Variants in SPACA7 observed in about 807,000 individuals in gnomAD.
SPACA7 encodes the protein sperm acrosome associated 7.
In SPACA7, 19 loss-of-function variants were observed where a neutral mutation model predicts 26.3. That is an observed-to-expected ratio of 0.72 (90% confidence interval 0.50 to 1.06). The LOEUF (loss-of-function observed/expected upper bound fraction) is 1.06, where lower values mean the gene tolerates loss of function less well. Ranked by LOEUF, SPACA7 falls within the 50% of genes least tolerant of loss-of-function variation. The pLI, the probability that SPACA7 is intolerant of heterozygous loss-of-function variation, is 0.00. For missense variants in SPACA7, 211 were observed against 229.9 expected, an observed-to-expected ratio of 0.92 and a Z score of 0.53; for synonymous variants, 84 against 84.5, an observed-to-expected ratio of 0.99 and a Z score of 0.04.
At chr13:112,409,743 T>C (rs903948685) in intron 5 of SPACA7, among the ~76,000 whole-genome samples, 1 of 152,100 alleles carries the variant, frequency 6.6e-6, no homozygotes, top group African/African-American at 2.4e-5. Context: ...TGTGGAGAAA[T>C]AGGAACACTT....
chr13:112,403,638 T>C (rs1474289857), intron 5 of SPACA7, among the ~76,000 whole-genome samples: 1 of 152,204 alleles, frequency 6.6e-6, no homozygotes, highest in Admixed American at 6.5e-5. Context: ...TCCATCCTCA[T>C]AGCTTAGCTC....
chr13:112,407,897 G>C (rs1237432805), intron 5 of SPACA7, among the ~76,000 whole-genome samples: 1 of 151,958 alleles, frequency 6.6e-6, no homozygotes, highest in Non-Finnish European at 1.5e-5. Flanking sequence ...GATACCAAAG[G>C]CTGACAGAGA....
chr13:112,413,258 C>A (rs1886466767), intron 5 of SPACA7, among the ~76,000 whole-genome samples: 1 of 152,114 alleles, frequency 6.6e-6, no homozygotes, highest in South Asian at 2.1e-4. Context: ...TCTTGTAAGA[C>A]AGGTCTGGTG....
intron 5 of SPACA7, among the ~76,000 whole-genome samples, chr13:112,415,089 G>C (rs1163536222): frequency 6.6e-6 from 1 of 152,226 alleles, no homozygotes; most frequent in Non-Finnish European, 1.5e-5. Context: ...TAGATACCCA[G>C]CTCTGATGCA....
intron 5 of SPACA7, among the ~76,000 whole-genome samples, chr13:112,418,851 T>A (rs1388804887): frequency 6.6e-6 from 1 of 151,940 alleles, no homozygotes; most frequent in Non-Finnish European, 1.5e-5. Flanking sequence ...CCACTTAGAA[T>A]GCTGTAAAAA....
intron 5 of SPACA7, among the ~76,000 whole-genome samples, chr13:112,413,533 A>C (rs777678944): frequency 3.9e-5 from 6 of 151,992 alleles, no homozygotes; most frequent in Non-Finnish European, 8.8e-5. Context: ...TTTACATTTG[A>C]GAGCTTGATT....
At chr13:112,429,318 G>T (rs1448355013) in intron 5 of SPACA7, among the ~76,000 whole-genome samples, 1 of 151,736 alleles carries the variant, frequency 6.6e-6, no homozygotes, top group Non-Finnish European at 1.5e-5. Context: ...CATGACTGCA[G>T]TGAGCCAAGA....
intron 5 of SPACA7, among the ~76,000 whole-genome samples, chr13:112,412,313 A>G (rs866703741): frequency 4.2e-5 from 6 of 141,868 alleles, no homozygotes; most frequent in Middle Eastern, 3.9e-3. Context: ...TTGTTTTGCT[A>G]CAGAGTTGTT....
At chr13:112,401,287 T>A (rs935425072) in intron 5 of SPACA7, 123 bp downstream of exon 5, 13 of 688,074 alleles carry the variant, frequency 1.9e-5, no homozygotes, top group Middle Eastern at 3.8e-4. Context: ...TCCACCAACA[T>A]CATGGTGAGA....
intron 5 of SPACA7, among the ~76,000 whole-genome samples, chr13:112,401,976 AT>A (rs1885674057): frequency 1.3e-5 from 2 of 152,178 alleles, no homozygotes; most frequent in Non-Finnish European, 2.9e-5. Flanking sequence ...TTCAGAGTGT[AT>A]TTTAACCTCT....
intron 1 of SPACA7, chr13:112,382,376 G>A: frequency 6.6e-7 from 1 of 1,523,612 alleles, no homozygotes. Context: ...GGGACTACAG[G>A]CATGAGCCAC....
At chr13:112,379,332 G>A (rs561899363) in intron 1 of SPACA7, among the ~76,000 whole-genome samples, 1 of 152,294 alleles carries the variant, frequency 6.6e-6, no homozygotes, top group East Asian at 1.9e-4. Flanking sequence ...TTGGACTGTA[G>A]CTGATTGCAA....
intron 5 of SPACA7, among the ~76,000 whole-genome samples, chr13:112,410,553 T>C (rs933454559): frequency 4.6e-5 from 7 of 152,238 alleles, no homozygotes; most frequent in African/African-American, 1.4e-4. Context: ...GCAGATATTA[T>C]GCTAAGTGAA....
chr13:112,415,735 A>G (rs1886650323), intron 5 of SPACA7, among the ~76,000 whole-genome samples: 2 of 152,096 alleles, frequency 1.3e-5, no homozygotes, highest in Admixed American at 6.5e-5. Context: ...CACAGGGTTC[A>G]CCCAAGGACT....
intron 5 of SPACA7, 80 bp from the exon 6 acceptor site, chr13:112,432,364 C>T (rs1190587049): frequency 8.4e-7 from 1 of 1,186,794 alleles, no homozygotes; most frequent in Non-Finnish European, 1.3e-6. Context: ...GCTTACGGCT[C>T]CCTGAAGTTA....
At chr13:112,387,880 C>T (rs1277664828) in intron 1 of SPACA7, among the ~76,000 whole-genome samples, 1 of 152,180 alleles carries the variant, frequency 6.6e-6, no homozygotes, top group Non-Finnish European at 1.5e-5. Context: ...TTGGTCACCT[C>T]GTTCAGCACC....
At chr13:112,429,886 C>T (rs540998445) in intron 5 of SPACA7, among the ~76,000 whole-genome samples, 1 of 152,172 alleles carries the variant, frequency 6.6e-6, no homozygotes, top group African/African-American at 2.4e-5. Context: ...CCTTTTGAGG[C>T]TTGCTTTTAT....
intron 1 of SPACA7, among the ~76,000 whole-genome samples, chr13:112,391,057 A>G (rs914330639): frequency 1.3e-5 from 2 of 151,984 alleles, no homozygotes; most frequent in African/African-American, 4.9e-5. Context: ...AGACAAAGGA[A>G]TAGGTCTTTC....
intron 5 of SPACA7, among the ~76,000 whole-genome samples, chr13:112,405,075 C>T (rs962865625): frequency 2.7e-5 from 4 of 150,458 alleles, no homozygotes; most frequent in African/African-American, 7.3e-5. Flanking sequence ...CTCCGCCTCC[C>T]GGGTTCACGC....
Sources: gnomAD v4.1 joint callset for allele counts (sites outside exome capture counted in the v4.1 genomes callset) on GRCh38, gnomAD v4.1.1 for gene constraint, MANE v1.5 for transcripts, NCBI Gene and HGNC (gene_info 2026-07-23, HGNC 2026-07-21) for gene names.